HMGB1: variants seen among roughly 807,000 people sequenced by gnomAD.
HMGB1 encodes the protein high mobility group protein B1.
For missense variants in HMGB1, 79 were observed against 253.5 expected (o/e 0.31, Z 4.67); for synonymous variants, 81 against 84.0 (o/e 0.96, Z 0.19).
Position 30,538,642 on chromosome 13 carries a change from CCTTT to C in HMGB1, c.-14-74952_-14-74949del, listed in dbSNP as rs796687003. Among the ~76,000 whole-genome samples, 135 of 51,026 alleles carry C rather than the reference CCTTT, an allele frequency of 2.6e-3. 3 individuals are homozygous for C. The highest frequency in any genetic ancestry group is 0.018 in the East Asian group (41 of 2,230). 33.5% of individuals were successfully genotyped at this position (51,026 alleles called of 152,430 possible). A position where few individuals can be genotyped will look rare whatever the true frequency, so the allele number is the denominator to read the frequency against. On this transcript the variant is annotated intron_variant, in intron 1 of 4. Transcript: ENST00000405805. Reference sequence around the variant, plus strand: ...CTCTCTCTCTTTCTTTTTCTTTCTTCCTTTCTTTCTTTCTTTCTTTCCTTTCTTT... The same window carrying C: ...CTCTCTCTCTTTCTTTTTCTTTCTTCCTTTCTTTCTTTCTTTCCTTTCTTT...
At chr13:30,493,507 T>C (rs1190068579) in intron 1 of HMGB1, among the ~76,000 whole-genome samples, 1 of 152,042 alleles carries the variant, frequency 6.6e-6, no homozygotes, top group Non-Finnish European at 1.5e-5. Flanking sequence ...ATGTGTGCAT[T>C]GAACTGGCTG....
chr13:30,478,702 T>A (rs937267583), intron 1 of HMGB1, among the ~76,000 whole-genome samples: 2 of 152,224 alleles, frequency 1.3e-5, no homozygotes, highest in African/African-American at 4.8e-5. Context: ...GTTCTTGCTC[T>A]GTTGCCCAGG....
At chr13:30,608,016 C>T (rs1196585960) in intron 1 of HMGB1, among the ~76,000 whole-genome samples, 1 of 152,102 alleles carries the variant, frequency 6.6e-6, no homozygotes, top group Non-Finnish European at 1.5e-5. Flanking sequence ...TCTGTGTAAC[C>T]CATAGAATAC....
At chr13:30,484,657 C>T (rs1294059414) in intron 1 of HMGB1, among the ~76,000 whole-genome samples, 1 of 151,950 alleles carries the variant, frequency 6.6e-6, no homozygotes, top group East Asian at 1.9e-4. Flanking sequence ...ACTGCTTGAG[C>T]CCAGGAGTTC....
At chr13:30,569,494 T>C (rs1870337009) in intron 1 of HMGB1, among the ~76,000 whole-genome samples, 1 of 152,220 alleles carries the variant, frequency 6.6e-6, no homozygotes, top group Non-Finnish European at 1.5e-5. Context: ...GGCAGTGTAC[T>C]AGGCACCTTA....
chr13:30,497,744 T>G (rs1279509540), intron 1 of HMGB1, among the ~76,000 whole-genome samples: 1 of 152,192 alleles, frequency 6.6e-6, no homozygotes. Context: ...CTCAGGGTAA[T>G]GACCTCCAGC....
At chr13:30,470,498 C>A (rs7991067), upstream of HMGB1, among the ~76,000 whole-genome samples, 1,451 of 152,276 alleles carry the variant, frequency 9.5e-3, 16 homozygotes, top group African/African-American at 0.033. Context: ...TGTAGAGAAA[C>A]ACATATAGTC....
At chr13:30,609,286 T>C (rs1593344652) in intron 1 of HMGB1, among the ~76,000 whole-genome samples, 1 of 151,430 alleles carries the variant, frequency 6.6e-6, no homozygotes, top group African/African-American at 2.4e-5. Flanking sequence ...AAAAAACAAA[T>C]AGGTGAAAGG....
At chr13:30,568,481 C>T (rs1287298086) in intron 1 of HMGB1, among the ~76,000 whole-genome samples, 2 of 152,104 alleles carry the variant, frequency 1.3e-5, no homozygotes, top group African/African-American at 4.8e-5. Flanking sequence ...CCACTCCAGC[C>T]TGGGTGACAG....
intron 1 of HMGB1, among the ~76,000 whole-genome samples, chr13:30,605,578 C>T (rs748019703): frequency 1.3e-5 from 2 of 152,144 alleles, no homozygotes; most frequent in Non-Finnish European, 2.9e-5. Flanking sequence ...CCAATGCCGA[C>T]GTGGAAATGA....
chr13:30,478,851 T>TTTTTC (rs369283288), intron 1 of HMGB1, among the ~76,000 whole-genome samples: 17 of 146,340 alleles, frequency 1.2e-4, no homozygotes, highest in East Asian at 8.1e-4. Context: ...CCCAATTTCT[T>TTTTTC]TTTTCTTTTC....
chr13:30,571,069 T>C (rs759850228), intron 1 of HMGB1, among the ~76,000 whole-genome samples: 23 of 152,224 alleles, frequency 1.5e-4, no homozygotes, highest in Non-Finnish European at 1.8e-4. Context: ...TATATTTTCA[T>C]AAATTCAAAT....
At chr13:30,462,476 A>C (rs1360951788) in intron 4 of HMGB1, 62 bp downstream of exon 4, 14 of 1,333,116 alleles carry the variant, frequency 1.1e-5, no homozygotes, top group Non-Finnish European at 1.4e-5. Flanking sequence ...ACCTCAAACT[A>C]AGTACAATCA....
chr13:30,616,517 C>T (rs924398650), intron 1 of HMGB1, among the ~76,000 whole-genome samples: 2 of 152,150 alleles, frequency 1.3e-5, no homozygotes, highest in African/African-American at 4.8e-5. Flanking sequence ...AACAAGAAAA[C>T]AACCCTCTGA....
intron 1 of HMGB1, among the ~76,000 whole-genome samples, chr13:30,556,872 A>G (rs138797528): frequency 2.0e-3 from 303 of 152,326 alleles, no homozygotes; most frequent in African/African-American, 7.2e-3. Flanking sequence ...TACAATATAT[A>G]GTTTCAAATA....
At chr13:30,490,476 T>C (rs188498163) in intron 1 of HMGB1, among the ~76,000 whole-genome samples, 169 of 152,084 alleles carry the variant, frequency 1.1e-3, no homozygotes, top group African/African-American at 3.9e-3. Flanking sequence ...AAAAGTTAGT[T>C]GGCGTGGTAG....
chr13:30,514,025 G>A (rs561119361), intron 1 of HMGB1, among the ~76,000 whole-genome samples: 86 of 152,008 alleles, frequency 5.7e-4, no homozygotes, highest in African/African-American at 1.7e-3. Context: ...TGGGACTACA[G>A]GTGTGAACCA....
intron 1 of HMGB1, among the ~76,000 whole-genome samples, chr13:30,496,162 C>T (rs560975888): frequency 7.9e-5 from 12 of 152,206 alleles, no homozygotes; most frequent in Middle Eastern, 3.4e-3. Flanking sequence ...GATGGGGGTG[C>T]CCAAAGGAAG....
chr13:30,484,408 C>T (rs1358257689), intron 1 of HMGB1, among the ~76,000 whole-genome samples: 1 of 152,236 alleles, frequency 6.6e-6, no homozygotes, highest in Non-Finnish European at 1.5e-5. Context: ...ACCAACTACT[C>T]TATACCTGCT....
Sources: gnomAD v4.1 joint callset for allele counts (sites outside exome capture counted in the v4.1 genomes callset) on GRCh38, gnomAD v4.1.1 for gene constraint, MANE v1.5 for transcripts, NCBI Gene and HGNC (gene_info 2026-07-23, HGNC 2026-07-21) for gene names.